The following KIAA1549L variants were observed in gnomAD, a reference collection of about 807,000 sequenced individuals.
KIAA1549L encodes the protein KIAA1549 like.
KIAA1549L carries 88 observed loss-of-function variants against 160.7 expected under a neutral mutation model. The observed-to-expected ratio is 0.55, with a 90% CI of 0.46 to 0.65. The LOEUF (loss-of-function observed/expected upper bound fraction) is 0.65, where lower values mean the gene tolerates loss of function less well. KIAA1549L is among the 30% of genes least tolerant of loss of function. The pLI is 0.00. For missense variants in KIAA1549L, 2,258 were observed against 2,437.5 expected (o/e 0.93, Z 1.55); for synonymous variants, 950 against 976.7 (o/e 0.97, Z 0.51).
At chr11:33,424,155 A>G (rs1851072815) in intron 1 of KIAA1549L, among the ~76,000 whole-genome samples, 1 of 152,260 alleles carries the variant, frequency 6.6e-6, no homozygotes, top group Non-Finnish European at 1.5e-5. Flanking sequence ...CAGACAAAGC[A>G]AAAGCAGATT....
chr11:33,602,745 T>C (rs945657547), intron 13 of KIAA1549L, among the ~76,000 whole-genome samples: 3 of 152,220 alleles, frequency 2.0e-5, no homozygotes, highest in Non-Finnish European at 2.9e-5. Flanking sequence ...AAAATCCCCA[T>C]GAACCTGCTG....
At chr11:33,459,960 C>CAAAAAAAAAAAAAAAAAAAAAAAAAA (rs61580338) in intron 1 of KIAA1549L, among the ~76,000 whole-genome samples, 2 of 67,216 alleles carry the variant, frequency 3.0e-5, no homozygotes, top group African/African-American at 7.4e-5. Context: ...GACTCCGTCT[C>CAAAAAAAAAAAAAAAAAAAAAAAAAA]AAAAAAAAAA....
In KIAA1549L at chr11:33,543,834, G is replaced by A. The variant is rs557304780; in HGVS notation, c.2271G>A (p.Gln757=). The change falls in exon 2 of 21, where the codon CAG becomes CAA. Residue 757 remains glutamine, a synonymous_variant. Transcript: ENST00000658780. ...LTSAADAIKS[Q]DFKDTAGHSV... is the part of the protein sequence containing the mutation. ...CAGCTGCCGATGCCATAAAATCTCAGGATTTCAAAGATACTGCTGGGCATT... is the reference window on the plus strand; with the variant it reads ...CAGCTGCCGATGCCATAAAATCTCAAGATTTCAAAGATACTGCTGGGCATT... The A allele has an allele frequency of 2.0e-5, 32 of 1,614,012 alleles. No individual in the cohort carries two copies. In the South Asian group the frequency reaches 3.1e-4, roughly 16 times the overall value.
chr11:33,460,114 T>G (rs553791991), intron 1 of KIAA1549L, among the ~76,000 whole-genome samples: 2 of 152,298 alleles, frequency 1.3e-5, no homozygotes, highest in South Asian at 4.1e-4. Flanking sequence ...GTGATTAAAA[T>G]GTATGAACAT....
chr11:33,613,979 A>G (rs1275457963), intron 15 of KIAA1549L, among the ~76,000 whole-genome samples: 1 of 152,168 alleles, frequency 6.6e-6, no homozygotes, highest in Non-Finnish European at 1.5e-5. Flanking sequence ...GAGCCTGTCC[A>G]GGCCAGCAGC....
chr11:33,494,890 C>A (rs996674009), intron 1 of KIAA1549L, among the ~76,000 whole-genome samples: 1 of 152,078 alleles, frequency 6.6e-6, no homozygotes, highest in Non-Finnish European at 1.5e-5. Context: ...TATTTACATT[C>A]GTGGTCACAT....
At chr11:33,448,391 A>G (rs1157559974) in intron 1 of KIAA1549L, among the ~76,000 whole-genome samples, 3 of 152,200 alleles carry the variant, frequency 2.0e-5, no homozygotes, top group Admixed American at 6.5e-5. Flanking sequence ...TTTATCTCTT[A>G]AAATACATTT....
At chr11:33,595,272 G>A (rs975689627) in intron 12 of KIAA1549L, among the ~76,000 whole-genome samples, 1 of 152,160 alleles carries the variant, frequency 6.6e-6, no homozygotes, top group Non-Finnish European at 1.5e-5. Context: ...TGTTGCCCAG[G>A]CTGTAGTGCA....
intron 16 of KIAA1549L, among the ~76,000 whole-genome samples, chr11:33,632,257 A>G (rs547585297): frequency 4.4e-4 from 67 of 152,314 alleles, no homozygotes; most frequent in African/African-American, 1.3e-3. Flanking sequence ...GGACTCTGGT[A>G]AGAAATCCCA....
intron 1 of KIAA1549L, among the ~76,000 whole-genome samples, chr11:33,385,511 A>G (rs967896194): frequency 2.6e-5 from 4 of 152,074 alleles, no homozygotes; most frequent in African/African-American, 9.7e-5. Context: ...ATGTCCCCCT[A>G]GGGAGTAAAA....
At chr11:33,557,438 A>G (rs1160616919) in intron 6 of KIAA1549L, among the ~76,000 whole-genome samples, 1 of 151,954 alleles carries the variant, frequency 6.6e-6, no homozygotes, top group African/African-American at 2.4e-5. Context: ...TCTTTTTGGT[A>G]CCTTGGGAAA....
intron 1 of KIAA1549L, among the ~76,000 whole-genome samples, chr11:33,523,647 G>A (rs994896855): frequency 2.0e-5 from 3 of 152,190 alleles, no homozygotes; most frequent in Non-Finnish European, 4.4e-5. Flanking sequence ...AAAACACTGA[G>A]TCCTGAGTTT....
chr11:33,642,729 G>A (rs1037128679), intron 16 of KIAA1549L, among the ~76,000 whole-genome samples: 4 of 151,834 alleles, frequency 2.6e-5, no homozygotes, highest in Non-Finnish European at 4.4e-5. Flanking sequence ...AATGAGTCAG[G>A]GTGAACCAGG....
chr11:33,580,828 C>T lies in KIAA1549L; in HGVS notation c.4403-2510C>T, dbSNP rs976269084. Among the ~76,000 whole-genome samples, 10 of 152,182 alleles carry T rather than the reference C, an allele frequency of 6.6e-5. No individual in the cohort carries two copies. The East Asian group carries it at 7.7e-4, about 12-fold the overall frequency. On this transcript the variant is annotated intron_variant, in intron 10 of 20. Coordinates refer to ENST00000658780, the MANE Select transcript of KIAA1549L (RefSeq NM_012194.3). Reference sequence around the variant, plus strand: ...CTAAATAAATAAGTAACATGTTTGACGCTAATTAGTGCTATGGAGAAAATT... The same window carrying T: ...CTAAATAAATAAGTAACATGTTTGATGCTAATTAGTGCTATGGAGAAAATT...
At chr11:33,573,732 TG>T (rs1456432546) in intron 9 of KIAA1549L, among the ~76,000 whole-genome samples, 1 of 152,180 alleles carries the variant, frequency 6.6e-6, no homozygotes, top group African/African-American at 2.4e-5. Context: ...TGCAAAAAGT[TG>T]ATAACCAATG....
chr11:33,461,100 T>C (rs1013256330), intron 1 of KIAA1549L, among the ~76,000 whole-genome samples: 2 of 152,204 alleles, frequency 1.3e-5, no homozygotes, highest in African/African-American at 4.8e-5. Context: ...TGTAATTCTC[T>C]TTCCCTAAAG....
intron 1 of KIAA1549L, among the ~76,000 whole-genome samples, chr11:33,500,011 C>T (rs930884205): frequency 6.6e-6 from 1 of 152,166 alleles, no homozygotes; most frequent in Non-Finnish European, 1.5e-5. Context: ...TCACTGATAC[C>T]AGGGTAGCCT....
At chr11:33,651,874 C>CT (rs1238662203) in intron 17 of KIAA1549L, among the ~76,000 whole-genome samples, 1 of 89,548 alleles carries the variant, frequency 1.1e-5, no homozygotes, top group Admixed American at 1.1e-4. Flanking sequence ...CTCCCCTCCC[C>CT]CCCTTTCTCC....
At chr11:33,566,217 T>C (rs1242786302) in intron 8 of KIAA1549L, among the ~76,000 whole-genome samples, 1 of 152,158 alleles carries the variant, frequency 6.6e-6, no homozygotes. Flanking sequence ...TCACCGAGAT[T>C]CCCATAAAAT....
Sources: gnomAD v4.1 joint callset for allele counts (sites outside exome capture counted in the v4.1 genomes callset) on GRCh38, gnomAD v4.1.1 for gene constraint, MANE v1.5 for transcripts, NCBI Gene and HGNC (gene_info 2026-07-23, HGNC 2026-07-21) for gene names.